The following PTPRN2 variants were observed in gnomAD, a reference collection of about 807,000 sequenced individuals.
The protein encoded by PTPRN2 is protein tyrosine phosphatase receptor type N2.
Under a neutral mutation model 118.8 loss-of-function variants are expected in PTPRN2, and 74 were observed. The ratio of observed to expected loss-of-function variants is 0.62; its 90% CI spans 0.52 to 0.76. The LOEUF (loss-of-function observed/expected upper bound fraction) is 0.76. Ranked by LOEUF, PTPRN2 falls within the 30% of genes least tolerant of loss-of-function variation. The pLI, the probability that PTPRN2 is intolerant of heterozygous loss-of-function variation, is 0.00. For synonymous variants in PTPRN2, 641 were observed against 608.0 expected (o/e 1.05, Z -0.80); for missense variants, 1,481 against 1,394.4 (o/e 1.06, Z -0.99).
At chr7:157,633,587 G>C (rs1804101879) in intron 14 of PTPRN2, among the ~76,000 whole-genome samples, 2 of 152,218 alleles carry the variant, frequency 1.3e-5, no homozygotes, top group Non-Finnish European at 2.9e-5. Flanking sequence ...GGGTGCACCT[G>C]GGATGGCACT....
At chr7:157,825,084 T>G (rs1348014864) in intron 12 of PTPRN2, among the ~76,000 whole-genome samples, 2 of 152,198 alleles carry the variant, frequency 1.3e-5, no homozygotes, top group East Asian at 3.9e-4. Context: ...GGTCTTCCTC[T>G]GCTTCCTTGG....
At chr7:157,621,576 G>C in intron 14 of PTPRN2, 67 bp from the exon 15 acceptor site, 1 of 1,587,748 alleles carries the variant, frequency 6.3e-7, no homozygotes, top group Non-Finnish European at 8.5e-7. Flanking sequence ...ATGCACAAAA[G>C]GCAGCGGAGG....
intron 2 of PTPRN2, 136 bp downstream of exon 2, chr7:158,489,599 C>T: frequency 2.4e-6 from 2 of 850,312 alleles, no homozygotes; most frequent in Non-Finnish European, 3.4e-6. Context: ...TCCGGGGTTC[C>T]ATCCGCCTCC....
intron 21 of PTPRN2, among the ~76,000 whole-genome samples, chr7:157,564,005 T>C (rs1253445662): frequency 1.3e-5 from 2 of 152,234 alleles, no homozygotes; most frequent in Non-Finnish European, 1.5e-5. Context: ...CAACTTTCCA[T>C]CTACTACTTG....
At chr7:157,616,462 G>A (rs2150621495) in intron 15 of PTPRN2, 1 of 152,292 alleles carries the variant, frequency 6.6e-6, no homozygotes, top group East Asian at 1.9e-4. Context: ...CTCAGTCTCT[G>A]GCAGAACAGC....
chr7:157,928,705 A>C, intron 11 of PTPRN2, among the ~76,000 whole-genome samples: 1 of 2,714 alleles, frequency 3.7e-4, no homozygotes. Flanking sequence ...AGGGCGGGAT[A>C]GGGGTGGGGT....
At chr7:157,772,354 C>CAG (rs1184084735) in intron 12 of PTPRN2, among the ~76,000 whole-genome samples, 1,562 of 151,660 alleles carry the variant, frequency 0.01, 60 homozygotes, top group East Asian at 0.083. Context: ...TACACACACA[C>CAG]ACATACACAC....
At chr7:158,199,866 A>C (rs1826496791) in intron 4 of PTPRN2, among the ~76,000 whole-genome samples, 1 of 152,234 alleles carries the variant, frequency 6.6e-6, no homozygotes, top group African/African-American at 2.4e-5. Flanking sequence ...GAGGATGCTG[A>C]AAGCCAACAC....
At chr7:157,769,838 G>C (rs1441456305) in intron 12 of PTPRN2, among the ~76,000 whole-genome samples, 3 of 152,194 alleles carry the variant, frequency 2.0e-5, no homozygotes, top group Non-Finnish European at 4.4e-5. Context: ...TGGATTCCCT[G>C]GGGGCTGCCA....
intron 2 of PTPRN2, among the ~76,000 whole-genome samples, chr7:158,327,347 TCACACATGTA>T (rs1803704493): frequency 7.1e-6 from 1 of 141,000 alleles, no homozygotes; most frequent in African/African-American, 2.7e-5. Flanking sequence ...TCACACATGC[TCACACATGTA>T]CACATTGTCA....
At chr7:158,414,090 A>G (rs1814429980) in intron 2 of PTPRN2, among the ~76,000 whole-genome samples, 2 of 132,280 alleles carry the variant, frequency 1.5e-5, no homozygotes, top group East Asian at 4.7e-4. Flanking sequence ...AAAAAAAAAA[A>G]GGAAGCAAGG....
In PTPRN2 at chr7:158,133,869, T is replaced by A. The variant is rs779665904; in HGVS notation, c.1364A>T (p.Asp455Val). 3.7e-6 allele frequency: 6 copies of A among 1,613,768 alleles called. No individual in the cohort carries two copies. The highest frequency in any genetic ancestry group is 5.1e-6 in the Non-Finnish European group (6 of 1,180,046). Residue 455 changes from aspartate (D) to valine (V), a missense_variant, in exon 9 of 23, where the codon GAT becomes GTT. This residue lies in a region of PTPRN2 where 1,115 missense variants were observed against 994.2 expected (regional missense o/e 1.12). Transcript: ENST00000389418. ...ENVKSQTYSK[D>V]LLGQQPHSEP... ...CGAATGCGGCTGCTGCCCCAGCAGA[T>A]CTTTGGAATACGTCTGGCTCTTGAC...
chr7:157,574,459 G>T, intron 19 of PTPRN2: 1 of 522,410 alleles, frequency 1.9e-6, no homozygotes, highest in Non-Finnish European at 4.0e-6. Flanking sequence ...CCGTTTTACC[G>T]TGAGCAGCGT....
At chr7:158,420,614 T>G (rs1479996982) in intron 2 of PTPRN2, among the ~76,000 whole-genome samples, 1 of 152,186 alleles carries the variant, frequency 6.6e-6, no homozygotes, top group Non-Finnish European at 1.5e-5. Flanking sequence ...GCATTGCCCC[T>G]GAGTTCCCTT....
chr7:158,274,498 AG>A (rs965847482), intron 3 of PTPRN2, among the ~76,000 whole-genome samples: 1 of 129,958 alleles, frequency 7.7e-6, no homozygotes, highest in Non-Finnish European at 1.8e-5. Context: ...CCGCAGGCAC[AG>A]GGGGAGCCAC....
At chr7:157,661,846 C>T (rs951100093) in intron 13 of PTPRN2, among the ~76,000 whole-genome samples, 2 of 152,220 alleles carry the variant, frequency 1.3e-5, no homozygotes, top group African/African-American at 4.8e-5. Context: ...ATCACCAGCG[C>T]AGGCTTTTCT....
intron 12 of PTPRN2, among the ~76,000 whole-genome samples, chr7:157,688,846 C>T (rs1797325474): frequency 6.6e-6 from 1 of 152,224 alleles, no homozygotes; most frequent in Non-Finnish European, 1.5e-5. Context: ...CTTCCCCGTC[C>T]CTCCCCCCTC....
intron 2 of PTPRN2, among the ~76,000 whole-genome samples, chr7:158,459,681 T>C (rs1375055496): frequency 6.6e-6 from 1 of 152,196 alleles, no homozygotes; most frequent in Non-Finnish European, 1.5e-5. Context: ...GCCCACATCA[T>C]GGTGCTGGGC....
intron 3 of PTPRN2, among the ~76,000 whole-genome samples, chr7:158,247,295 A>G (rs1277484545): frequency 6.6e-6 from 1 of 152,202 alleles, no homozygotes; most frequent in Non-Finnish European, 1.5e-5. Flanking sequence ...ATCTGGAAGG[A>G]GATTTCCAAC....
Sources: gnomAD v4.1 joint callset for allele counts (sites outside exome capture counted in the v4.1 genomes callset) on GRCh38, gnomAD v4.1.1 for gene constraint, gnomAD v4.1.1 regional missense constraint, MANE v1.5 for transcripts, NCBI Gene and HGNC (gene_info 2026-07-23, HGNC 2026-07-21) for gene names.